CACNA1E: variants seen among roughly 807,000 people sequenced by gnomAD.
CACNA1E encodes calcium voltage-gated channel subunit alpha1 E, also known as voltage-dependent R-type calcium channel subunit alpha-1E.
Under a neutral mutation model 259.2 loss-of-function variants are expected in CACNA1E, and 40 were observed. The ratio of observed to expected loss-of-function variants is 0.15; its 90% confidence interval spans 0.12 to 0.20. CACNA1E has a LOEUF of 0.20. CACNA1E is among the 10% of genes least tolerant of loss of function. The pLI is 1.00. For synonymous variants in CACNA1E, 1,104 were observed against 1,138.5 expected (o/e 0.97, Z 0.61); for missense variants, 1,874 against 3,040.1 (o/e 0.62, Z 9.02).
At chr1:181,628,560 G>A (rs971993940) in intron 6 of CACNA1E, among the ~76,000 whole-genome samples, 3 of 152,180 alleles carry the variant, frequency 2.0e-5, no homozygotes, top group Non-Finnish European at 4.4e-5. Flanking sequence ...AAAATTGGCT[G>A]CAGTTAGGGC....
intron 7 of CACNA1E, among the ~76,000 whole-genome samples, chr1:181,701,300 G>A (rs953396365): frequency 3.3e-5 from 5 of 152,302 alleles, no homozygotes; most frequent in South Asian, 2.1e-4. Flanking sequence ...AGAGGAGTGC[G>A]AAATGTGTCT....
At chr1:181,616,502 CGA>C (rs1378753520) in intron 6 of CACNA1E, among the ~76,000 whole-genome samples, 1 of 151,938 alleles carries the variant, frequency 6.6e-6, no homozygotes, top group Non-Finnish European at 1.5e-5. Context: ...ATCATGAGGT[CGA>C]GATTGAGACC....
intron 1 of CACNA1E, among the ~76,000 whole-genome samples, chr1:181,321,211 C>G (rs1650315791): frequency 6.6e-6 from 1 of 152,146 alleles, no homozygotes; most frequent in South Asian, 2.1e-4. Flanking sequence ...CACTAGGTCC[C>G]CAACTCCAAC....
intron 32 of CACNA1E, among the ~76,000 whole-genome samples, chr1:181,760,577 G>T (rs948950326): frequency 2.0e-5 from 3 of 152,220 alleles, no homozygotes; most frequent in African/African-American, 7.2e-5. Context: ...AAAAGAAAAA[G>T]AGGGAAAGAT....
chr1:181,567,302 C>G (rs1465319078), intron 3 of CACNA1E, among the ~76,000 whole-genome samples: 1 of 152,194 alleles, frequency 6.6e-6, no homozygotes, highest in Admixed American at 6.5e-5. Flanking sequence ...CAAGGTGACT[C>G]TACTCCCCTT....
chr1:181,463,967 TTAATTTTTGTGTA>T (rs1661988120), intron 2 of CACNA1E, among the ~76,000 whole-genome samples: 1 of 152,184 alleles, frequency 6.6e-6, no homozygotes, highest in African/African-American at 2.4e-5. Context: ...CTATCTGGAA[TTAATTTTTGTGTA>T]TAGTGTGAGG....
At chr1:181,513,376 A>C (rs1353020693) in intron 3 of CACNA1E, among the ~76,000 whole-genome samples, 2 of 152,212 alleles carry the variant, frequency 1.3e-5, no homozygotes, top group Non-Finnish European at 2.9e-5. Flanking sequence ...TTTTGGTAAA[A>C]ATCTGTAATG....
chr1:181,726,462 T>G (rs980954154), intron 18 of CACNA1E, among the ~76,000 whole-genome samples: 2 of 152,210 alleles, frequency 1.3e-5, no homozygotes, highest in African/African-American at 4.8e-5. Context: ...CCAGAAGGGA[T>G]TCTCTGAAGG....
At chr1:181,375,696 T>C (rs1476176857) in intron 1 of CACNA1E, among the ~76,000 whole-genome samples, 1 of 152,154 alleles carries the variant, frequency 6.6e-6, no homozygotes, top group Non-Finnish European at 1.5e-5. Flanking sequence ...TGCTGTGGAT[T>C]TCCTAGCTGG....
At chr1:181,704,367 C>A (rs1652581125) in intron 7 of CACNA1E, among the ~76,000 whole-genome samples, 1 of 152,198 alleles carries the variant, frequency 6.6e-6, no homozygotes, top group African/African-American at 2.4e-5. Flanking sequence ...AATGAAACCA[C>A]TGCCAACACA....
chr1:181,652,906 A>G (rs1008694947), intron 7 of CACNA1E, among the ~76,000 whole-genome samples: 24 of 152,064 alleles, frequency 1.6e-4, no homozygotes, highest in African/African-American at 5.8e-4. Flanking sequence ...ATGAAAGTCT[A>G]CAAACTGAAT....
chr1:181,674,548 G>C (rs143241817), intron 7 of CACNA1E, among the ~76,000 whole-genome samples: 3 of 152,050 alleles, frequency 2.0e-5, no homozygotes, highest in African/African-American at 7.2e-5. Flanking sequence ...TTCTGTCTTA[G>C]AGCCCCTGGA....
At chr1:181,613,577 T>G (rs1654944258) in intron 6 of CACNA1E, among the ~76,000 whole-genome samples, 2 of 152,188 alleles carry the variant, frequency 1.3e-5, no homozygotes, top group African/African-American at 4.8e-5. Context: ...GCCTTCTTAT[T>G]GTACAACCAA....
chr1:181,774,944 T>C (rs1572865534), intron 37 of CACNA1E, among the ~76,000 whole-genome samples: 1 of 152,056 alleles, frequency 6.6e-6, no homozygotes, highest in East Asian at 1.9e-4. Context: ...AAATGAGGAG[T>C]CCTGGGGCAG....
chr1:181,398,119 A>G (rs1656822131), intron 1 of CACNA1E, among the ~76,000 whole-genome samples: 1 of 152,204 alleles, frequency 6.6e-6, no homozygotes, highest in African/African-American at 2.4e-5. Flanking sequence ...TCTGAGGTCA[A>G]TTGTAAAATG....
intron 1 of CACNA1E, among the ~76,000 whole-genome samples, chr1:181,399,780 G>A (rs1056574067): frequency 2.0e-5 from 3 of 152,204 alleles, no homozygotes; most frequent in Non-Finnish European, 2.9e-5. Context: ...CTTGTTAGAT[G>A]TTTCCCACAG....
rs1378494461 is a variant in CACNA1E, at chr1:181,780,355, G to A, written c.5268-1072G>A. 2.0e-5 allele frequency among the ~76,000 whole-genome samples: 3 copies of A among 152,140 alleles called. No individual in the cohort carries two copies. In the East Asian group the frequency reaches 5.8e-4, roughly 29 times the overall value. ...GAGTAGGACCTCCCTGCTCAAATCT[G>A]CCATACCCAGGGAATTCTCTATATC... On this transcript the variant is annotated intron_variant, in intron 38 of 47. Transcript: ENST00000367573.
intron 3 of CACNA1E, among the ~76,000 whole-genome samples, chr1:181,537,839 C>T (rs1199503923): frequency 6.6e-6 from 1 of 152,166 alleles, no homozygotes; most frequent in African/African-American, 2.4e-5. Context: ...AACAGAGGTA[C>T]AGTGAGATTA....
Position 181,739,230 on chromosome 1 carries a change from C to T in CACNA1E, c.3696C>T (p.Gly1232=), listed in dbSNP as rs755064825. The change falls in exon 25 of 48, where the codon GGC becomes GGT. Residue 1232 remains glycine (G), a synonymous_variant. Coordinates refer to ENST00000367573, the MANE Select transcript of CACNA1E (RefSeq NM_001205293.3). ...WNILDFVVVV[G]ALVAFALANA... ...TCCTGGACTTTGTGGTGGTCGTTGG[C>T]GCATTGGTGGCCTTTGCTCTGGCGT... The T allele has an allele frequency of 3.5e-5, 56 of 1,612,284 alleles. No individual in the cohort carries two copies. Among genetic ancestry groups the T allele is most frequent in the East Asian group, 4.5e-5 (2 of 44,880 alleles).
Sources: allele counts gnomAD v4.1 joint callset (sites outside exome capture counted in the v4.1 genomes callset), GRCh38; gene constraint gnomAD v4.1.1; transcripts MANE v1.5; gene names NCBI Gene and HGNC (gene_info 2026-07-23, HGNC 2026-07-21).